CCDC171: variants seen among roughly 807,000 people sequenced by gnomAD.
CCDC171 encodes coiled-coil domain-containing protein 171.
Under a neutral mutation model 168.2 loss-of-function variants are expected in CCDC171, and 177 were observed. The ratio of observed to expected loss-of-function variants is 1.05; its 90% CI spans 0.93 to 1.19. The LOEUF is 1.19. Ranked by LOEUF, CCDC171 falls within the 50% of genes most tolerant of loss-of-function variation. CCDC171 has a pLI of 0.00. For missense variants in CCDC171, 1,991 were observed against 1,539.0 expected (o/e 1.29, Z -4.91); for synonymous variants, 687 against 540.8 (o/e 1.27, Z -3.75).
chr9:15,792,569 G>C (rs1014945236), intron 21 of CCDC171, among the ~76,000 whole-genome samples: 5 of 152,188 alleles, frequency 3.3e-5, no homozygotes, highest in African/African-American at 1.2e-4. Flanking sequence ...AGGGCAGCCA[G>C]AGAGAAAGGT....
At chr9:15,816,721 G>A (rs2059573801) in intron 21 of CCDC171, among the ~76,000 whole-genome samples, 1 of 118,110 alleles carries the variant, frequency 8.5e-6, no homozygotes, top group African/African-American at 3.2e-5. Flanking sequence ...ATGTCAGAGA[G>A]ATGAAACAAG....
Position 15,744,752 on chromosome 9 carries a change from G to C in CCDC171, c.2529G>C (p.Glu843Asp). The C allele has an allele frequency of 6.2e-7, 1 of 1,607,816 alleles. No homozygotes were observed. The highest frequency in any genetic ancestry group is 1.3e-5 in the African/African-American group (1 of 74,678). The change falls in exon 17 of 26, where the codon GAG becomes GAC. Residue 843 changes from glutamate to aspartate, a missense_variant. Glu to Asp is a conservative substitution (Grantham distance 45). Transcript: ENST00000380701. ...TAGGCATGTTAGTGTGCACAGGAGA[G>C]CCCCAAGACAAGCATAAATTTCCAA... ...EGIGMLVCTGEPQDKHKFPKH... is the reference protein window; with the variant it reads ...EGIGMLVCTGDPQDKHKFPKH...
intron 11 of CCDC171, among the ~76,000 whole-genome samples, chr9:15,720,881 T>C (rs1181310737): frequency 6.6e-6 from 1 of 152,202 alleles, no homozygotes; most frequent in East Asian, 1.9e-4. Flanking sequence ...GATGTTCTCT[T>C]TCCTGTGTCA....
chr9:15,721,489 GGTAGAAA>G (rs1431031271), intron 11 of CCDC171, among the ~76,000 whole-genome samples: 1 of 151,100 alleles, frequency 6.6e-6, no homozygotes, highest in Non-Finnish European at 1.5e-5. Context: ...GTCTTGATAA[GGTAGAAA>G]GTAGTCATAA....
intron 24 of CCDC171, among the ~76,000 whole-genome samples, chr9:15,914,640 T>A (rs918301842): frequency 2.6e-5 from 4 of 152,164 alleles, no homozygotes; most frequent in Admixed American, 6.5e-5. Flanking sequence ...TCAGGCCCCT[T>A]TCCAGGGGAG....
rs970252097 is a variant in CCDC171 at position 15,876,740 on chromosome 9, CT to C, written c.3600+2086del. Among the ~76,000 whole-genome samples the C allele has an allele frequency of 4.1e-3, 613 of 150,724 alleles. 6 individuals are homozygous for C. Among genetic ancestry groups the C allele is most frequent in the African/African-American group, 0.014 (566 of 41,152 alleles). On this transcript the variant is annotated intron_variant, in intron 24 of 25. Transcript: ENST00000380701. ...TAATAGTATGAAACTCTAATTTCACCTTTTTTTTTGCAGTATAAAAATATGT... is the reference window on the plus strand; with the variant it reads ...TAATAGTATGAAACTCTAATTTCACCTTTTTTTTGCAGTATAAAAATATGT...
At chr9:16,055,207 A>G (rs1833818365) in intron 1 of CCDC171, among the ~76,000 whole-genome samples, 1 of 152,162 alleles carries the variant, frequency 6.6e-6, no homozygotes, top group African/African-American at 2.4e-5. Flanking sequence ...GATTTTTGTT[A>G]TCTTTGTTCG....
At chr9:15,876,137 T>C (rs745466514) in intron 24 of CCDC171, 7 of 152,044 alleles carry the variant, frequency 4.6e-5, no homozygotes, top group Admixed American at 1.3e-4. Flanking sequence ...TTTTTGGGGG[T>C]TATGATATCT....
chr9:15,989,540 G>A (rs539305924), intron 3 of CCDC171, among the ~76,000 whole-genome samples: 107 of 152,300 alleles, frequency 7.0e-4, no homozygotes, highest in African/African-American at 2.5e-3. Flanking sequence ...CCAAAGGAAC[G>A]CAGCTCCTTG....
At chr9:15,575,019 G>A (rs965530036) in intron 3 of CCDC171, among the ~76,000 whole-genome samples, 2 of 152,050 alleles carry the variant, frequency 1.3e-5, no homozygotes, top group African/African-American at 4.8e-5. Flanking sequence ...TCATTTGAGC[G>A]TAACAATACT....
intron 18 of CCDC171, among the ~76,000 whole-genome samples, chr9:15,762,255 A>C (rs1298759570): frequency 6.6e-6 from 1 of 152,000 alleles, no homozygotes; most frequent in Non-Finnish European, 1.5e-5. Flanking sequence ...GAACAAAAAA[A>C]ATCTTCCTTC....
chr9:16,059,640 G>A (rs1451388561), intron 1 of CCDC171, among the ~76,000 whole-genome samples: 2 of 148,564 alleles, frequency 1.3e-5, no homozygotes, highest in Non-Finnish European at 1.5e-5. Flanking sequence ...TCAGCCTCCC[G>A]AGTAGCTGGG....
At chr9:15,662,555 C>T (rs2048395654) in intron 8 of CCDC171, among the ~76,000 whole-genome samples, 1 of 152,252 alleles carries the variant, frequency 6.6e-6, no homozygotes, top group South Asian at 2.1e-4. Context: ...TATTATTTCG[C>T]AGTCTATGTT....
At chr9:15,778,158 G>A (rs1178560839) in intron 19 of CCDC171, among the ~76,000 whole-genome samples, 11 of 150,910 alleles carry the variant, frequency 7.3e-5, no homozygotes, top group African/African-American at 1.7e-4. Context: ...TTAGCCCGGC[G>A]CGGTGGCGGG....
chr9:15,588,458 G>A (rs569782738), intron 4 of CCDC171: 4 of 286,170 alleles, frequency 1.4e-5, no homozygotes, highest in South Asian at 7.8e-5. Context: ...AAGCCAGAGC[G>A]CAAGCCCAAA....
chr9:16,066,443 C>G (rs995324156), downstream of CCDC171, among the ~76,000 whole-genome samples: 1 of 149,584 alleles, frequency 6.7e-6, no homozygotes, highest in African/African-American at 2.5e-5. Flanking sequence ...GCTGTGTTTT[C>G]TTCCTCTTTT....
At chr9:15,739,556 A>G (rs1294667922) in intron 16 of CCDC171, among the ~76,000 whole-genome samples, 1 of 152,198 alleles carries the variant, frequency 6.6e-6, no homozygotes, top group Non-Finnish European at 1.5e-5. Context: ...ATAGTTCAGT[A>G]TAAGGATTTA....
At position 15,784,639 on chromosome 9, in the gene CCDC171, A is replaced by G; in HGVS notation, c.3212A>G (p.Glu1071Gly). Residue 1071 changes from glutamate (E) to glycine (G), a missense_variant, in exon 21 of 26, where the codon GAA (glutamate) becomes GGA (glycine). Glu to Gly is a moderately conservative substitution (Grantham distance 98, BLOSUM62 -2). Transcript: ENST00000380701. ...CTACAGGAATTGAATTATAAACTTG[A>G]ATTGCACTCCAGTGAGGAAGCTGAC... Reference protein sequence around the residue: ...QQLQELNYKLELHSSEEADKN... With the variant: ...QQLQELNYKLGLHSSEEADKN... 6.2e-7 allele frequency: 1 copy of G among 1,613,442 alleles called. No homozygotes were observed. Among genetic ancestry groups the G allele is most frequent in the Non-Finnish European group, 8.5e-7 (1 of 1,179,586 alleles).
At chr9:15,763,286 G>C (rs1447967781) in intron 18 of CCDC171, among the ~76,000 whole-genome samples, 1 of 152,130 alleles carries the variant, frequency 6.6e-6, no homozygotes, top group African/African-American at 2.4e-5. Flanking sequence ...CTGGAGTTTT[G>C]ATGTCCAGAG....
Sources: gnomAD v4.1 joint callset for allele counts (sites outside exome capture counted in the v4.1 genomes callset) on GRCh38, gnomAD v4.1.1 for gene constraint, MANE v1.5 for transcripts, NCBI Gene and HGNC (gene_info 2026-07-23, HGNC 2026-07-21) for gene names.